Variants in SLAMF9 observed in about 807,000 individuals in gnomAD.
SLAMF9 encodes CD2 family member 10.
SLAMF9 carries 25 observed loss-of-function variants against 30.4 expected under a neutral mutation model. That is an observed-to-expected ratio of 0.82 (90% CI 0.60 to 1.15). The LOEUF (loss-of-function observed/expected upper bound fraction) is 1.15, where lower values mean the gene tolerates loss of function less well. SLAMF9 is among the 50% of genes most tolerant of loss of function. The pLI is 0.00. For synonymous variants in SLAMF9, 129 were observed against 127.2 expected (o/e 1.01, Z -0.09); for missense variants, 344 against 346.1 (o/e 0.99, Z 0.05).
At chr1:159,972,342 AACTTC>A in the SLAMF9 span, among the ~76,000 whole-genome samples, 2 of 152,150 alleles carry the variant, frequency 1.3e-5, no homozygotes, top group South Asian at 4.1e-4. Flanking sequence ...AAGGATCCAC[AACTTC>A]TGTGGTTGTG....
chr1:159,956,278 C>A (rs996783883), upstream of SLAMF9, among the ~76,000 whole-genome samples: 1 of 152,100 alleles, frequency 6.6e-6, no homozygotes, highest in Non-Finnish European at 1.5e-5. Context: ...CCAGCCTAAG[C>A]AACATAGAAA....
chr1:159,966,783 T>C, the SLAMF9 span, among the ~76,000 whole-genome samples: 1 of 152,168 alleles, frequency 6.6e-6, no homozygotes, highest in East Asian at 1.9e-4. Flanking sequence ...GTGTCTGTTC[T>C]AGTCATTTGC....
the SLAMF9 span, chr1:159,983,427 G>T: frequency 6.6e-6 from 1 of 152,140 alleles, no homozygotes; most frequent in African/African-American, 2.4e-5. Flanking sequence ...CTAGGAAAAG[G>T]GTCCTCAAGT....
chr1:159,953,495 C>T lies in SLAMF9; in HGVS notation c.205G>A (p.Glu69Lys). Residue 69 changes from glutamate to lysine, a missense_variant, in exon 2 of 4, where the codon GAG (glutamate) becomes AAG (lysine). Glu to Lys is a moderately conservative substitution (Grantham distance 56). Transcript: ENST00000368093. Reference protein sequence around the residue: ...KSLATVVPGKEGHPATIMVTN... With the variant: ...KSLATVVPGKKGHPATIMVTN... ...ACCATGATGGTAGCTGGATGTCCCT[C>T]TTTCCCTGGCACCACAGTGGCAAGA... 1 of 1,614,226 alleles carries T rather than the reference C, an allele frequency of 6.2e-7. No individual in the cohort carries two copies. Among genetic ancestry groups the T allele is most frequent in the Non-Finnish European group, 8.5e-7 (1 of 1,180,028 alleles).
chr1:159,973,213 G>C, the SLAMF9 span: 7 of 1,298,808 alleles, frequency 5.4e-6, no homozygotes, highest in East Asian at 4.7e-5. Context: ...TGACATCTCA[G>C]GGTAACCAGG....
chr1:159,963,212 A>G, the SLAMF9 span, among the ~76,000 whole-genome samples: 1 of 152,220 alleles, frequency 6.6e-6, no homozygotes, highest in East Asian at 1.9e-4. Context: ...AATGTGAGTC[A>G]TGGTTATTAC....
At chr1:159,966,513 A>G in the SLAMF9 span, among the ~76,000 whole-genome samples, 1 of 152,170 alleles carries the variant, frequency 6.6e-6, no homozygotes, top group African/African-American at 2.4e-5. Context: ...TGGAAGTTAC[A>G]TTTTTAGTTT....
the SLAMF9 span, chr1:159,976,547 T>C: frequency 6.6e-6 from 1 of 152,224 alleles, no homozygotes; most frequent in African/African-American, 2.4e-5. Context: ...CTTTGTTCTT[T>C]TTTAAAAAAT....
the SLAMF9 span, chr1:159,972,881 A>G: frequency 5.0e-5 from 50 of 1,000,956 alleles, no homozygotes; most frequent in Non-Finnish European, 6.4e-5. Flanking sequence ...CTGACCACCC[A>G]AGACCCTGGC....
chr1:159,960,377 G>A, the SLAMF9 span, among the ~76,000 whole-genome samples: 2 of 151,532 alleles, frequency 1.3e-5, no homozygotes, highest in Non-Finnish European at 2.9e-5. Context: ...CTACACTGCT[G>A]TGTGGGCAGT....
chr1:159,976,287 A>T, the SLAMF9 span, among the ~76,000 whole-genome samples: 1 of 152,230 alleles, frequency 6.6e-6, no homozygotes, highest in Non-Finnish European at 1.5e-5. Context: ...GCCATGAGAA[A>T]GAACAAGGTA....
At position 159,952,216 on chromosome 1, in the gene SLAMF9, G is replaced by T. The variant is rs545158559; in HGVS notation, c.664+46C>A. On this transcript the variant is annotated intron_variant, in intron 3 of 3. Transcript: ENST00000368093. ...TGGGGGAGGGAGATGGTGCCTCTAG[G>T]CACTATCTTTCATGAGCTCAGGGGG... 6.2e-6 allele frequency: 10 copies of T among 1,604,904 alleles called. No individual in the cohort carries two copies. The African/African-American group carries it at 1.2e-4, about 19-fold the overall frequency.
upstream of SLAMF9, among the ~76,000 whole-genome samples, chr1:159,956,418 A>C (rs954399018): frequency 6.6e-6 from 1 of 152,084 alleles, no homozygotes; most frequent in Non-Finnish European, 1.5e-5. Flanking sequence ...GCAGTGAGCT[A>C]TGATCATGCC....
chr1:159,960,144 T>A, the SLAMF9 span, among the ~76,000 whole-genome samples: 45 of 150,936 alleles, frequency 3.0e-4, no homozygotes, highest in Middle Eastern at 0.01. Flanking sequence ...TAGGTATATC[T>A]CCTAATGCTA....
chr1:159,953,439 G>A lies in SLAMF9; in HGVS notation c.261C>T (p.Ser87=), dbSNP rs1313053109. The A allele has an allele frequency of 6.2e-7, 1 of 1,614,234 alleles. No homozygotes were observed. The highest frequency in any genetic ancestry group is 8.5e-7 in the Non-Finnish European group (1 of 1,180,042). ...GCAGGGAATAGCTGGGGTCCAGGAA[G>A]CTCACTTGGCCCTGGTAGTGTGGAT... ...VTNPHYQGQV[S]FLDPSYSLHI... is the part of the protein sequence containing the mutation. Residue 87 remains serine, a synonymous_variant, in exon 2 of 4, where the codon AGC becomes AGT. Coordinates refer to ENST00000368093, the MANE Select transcript of SLAMF9 (RefSeq NM_033438.4).
At chr1:159,980,127 C>A in the SLAMF9 span, among the ~76,000 whole-genome samples, 1 of 152,192 alleles carries the variant, frequency 6.6e-6, no homozygotes, top group Non-Finnish European at 1.5e-5. Flanking sequence ...TTTTCCTTTT[C>A]TTCTGCTGTG....
At chr1:159,974,236 C>T in the SLAMF9 span, among the ~76,000 whole-genome samples, 3 of 152,162 alleles carry the variant, frequency 2.0e-5, no homozygotes, top group Non-Finnish European at 4.4e-5. Flanking sequence ...AGGACCTGGA[C>T]TTCCTTTTAC....
rs767377544 is a variant in SLAMF9 at position 159,951,734 on chromosome 1, G to T, written c.797C>A (p.Pro266Gln). The stretch of plus-strand genomic sequence containing the variant: ...GTTTCTCATGAGTTTCTTCATCCTT[G>T]GCATTTTGTGTCTTTTCTGGACTCG... ...VIRVQKRHKM[P>Q]RMKKLMRNRM... Residue 266 changes from proline (P) to glutamine (Q), a missense_variant, in exon 4 of 4, where the codon CCA (proline) becomes CAA (glutamine). Coordinates refer to ENST00000368093, the MANE Select transcript of SLAMF9 (RefSeq NM_033438.4). 6.8e-6 allele frequency: 11 copies of T among 1,614,032 alleles called. No homozygotes were observed.
At chr1:159,956,907 C>A (rs976493169), upstream of SLAMF9, among the ~76,000 whole-genome samples, 3 of 151,496 alleles carry the variant, frequency 2.0e-5, no homozygotes, top group African/African-American at 7.3e-5. Context: ...ATCACAAGGT[C>A]AGGAGATCAA....
Sources: gnomAD v4.1 joint callset for allele counts (sites outside exome capture counted in the v4.1 genomes callset) on GRCh38, gnomAD v4.1.1 for gene constraint, MANE v1.5 for transcripts, NCBI Gene and HGNC (gene_info 2026-07-23, HGNC 2026-07-21) for gene names.